Variants in ZSCAN25 observed in about 807,000 individuals in gnomAD.
The protein encoded by ZSCAN25 is zinc finger and SCAN domain containing 25.
In ZSCAN25, 27 loss-of-function variants were observed where a neutral mutation model predicts 38.7. The observed-to-expected ratio is 0.70, with a 90% CI of 0.51 to 0.96. The LOEUF (loss-of-function observed/expected upper bound fraction) is 0.96, where lower values mean the gene tolerates loss of function less well. Among genes scored for constraint, ZSCAN25 ranks in the 40% least tolerant of loss-of-function variants. The pLI is 0.00. For missense variants in ZSCAN25, 637 were observed against 705.9 expected (o/e 0.90, Z 1.11); for synonymous variants, 273 against 277.7 (o/e 0.98, Z 0.17).
In ZSCAN25 at chr7:99,619,055, C is replaced by T. The variant is rs1806703165; in HGVS notation, c.-124C>T. ...TACTTATTTTCTTTCTAGAACTTGT[C>T]TCCACTTGCAGTTTTTAAAAGAGTT... On this transcript the variant is annotated 5_prime_UTR_variant, in exon 3 of 8. Coordinates refer to ENST00000394152, the MANE Select transcript of ZSCAN25 (RefSeq NM_145115.3). 2 of 151,282 alleles carry T rather than the reference C, an allele frequency of 1.3e-5. No individual in the cohort carries two copies. Among genetic ancestry groups the T allele is most frequent in the Admixed American group, 1.3e-4 (2 of 15,152 alleles). The allele number at this position is 151,282 out of a possible 1,614,324, so 9.4% of individuals were successfully genotyped here.
At chr7:99,644,146 T>C in the ZSCAN25 span, among the ~76,000 whole-genome samples, 1 of 152,192 alleles carries the variant, frequency 6.6e-6, no homozygotes, top group African/African-American at 2.4e-5. Context: ...CATCATTAGC[T>C]ATAGCAGCAC....
the ZSCAN25 span, among the ~76,000 whole-genome samples, chr7:99,669,848 A>G: frequency 6.6e-6 from 1 of 152,238 alleles, no homozygotes; most frequent in African/African-American, 2.4e-5. Context: ...ATATAGCTAC[A>G]GATGCTGCCC....
the ZSCAN25 span, among the ~76,000 whole-genome samples, chr7:99,704,222 A>G: frequency 6.6e-6 from 1 of 152,158 alleles, no homozygotes; most frequent in Admixed American, 6.5e-5. Flanking sequence ...TGGGCTGAAA[A>G]CATTAAATGA....
chr7:99,638,665 T>C, the ZSCAN25 span: 9 of 1,562,588 alleles, frequency 5.8e-6, no homozygotes, highest in Admixed American at 1.7e-5. Context: ...CTGGCCCAGC[T>C]TCAACATTTA....
At chr7:99,667,254 G>C in the ZSCAN25 span, among the ~76,000 whole-genome samples, 1 of 151,976 alleles carries the variant, frequency 6.6e-6, no homozygotes, top group African/African-American at 2.4e-5. Context: ...ATGTGGGGCG[G>C]GGGTGGGAGT....
the ZSCAN25 span, chr7:99,672,915 A>G: frequency 6.0e-6 from 8 of 1,339,694 alleles, no homozygotes; most frequent in East Asian, 2.3e-4. Context: ...GGGAAGAGAT[A>G]TTGAAAGACA....
the ZSCAN25 span, among the ~76,000 whole-genome samples, chr7:99,700,332 G>A: frequency 1.3e-5 from 2 of 152,142 alleles, no homozygotes; most frequent in Admixed American, 1.3e-4. Flanking sequence ...CTGAAGTGGA[G>A]CCATTGGCAT....
the ZSCAN25 span, among the ~76,000 whole-genome samples, chr7:99,702,091 C>CT: frequency 0.93 from 130,588 of 140,224 alleles, 61,320 homozygotes; most frequent in Non-Finnish European, 0.99. Context: ...AGATTTCAGT[C>CT]TTTTTTTTTT....
At chr7:99,691,715 A>G in the ZSCAN25 span, among the ~76,000 whole-genome samples, 1 of 151,446 alleles carries the variant, frequency 6.6e-6, no homozygotes, top group Admixed American at 6.6e-5. Flanking sequence ...TAGGATTGCA[A>G]CCCCTGCTTT....
the ZSCAN25 span, among the ~76,000 whole-genome samples, chr7:99,664,357 C>T: frequency 6.6e-6 from 1 of 152,312 alleles, no homozygotes; most frequent in Admixed American, 6.5e-5. Context: ...ATTAAATTCC[C>T]TGACCTCTTA....
At chr7:99,655,067 A>G in the ZSCAN25 span, among the ~76,000 whole-genome samples, 1 of 152,118 alleles carries the variant, frequency 6.6e-6, no homozygotes, top group African/African-American at 2.4e-5. Flanking sequence ...TGCTGTGCAG[A>G]AGCTCTTTAG....
chr7:99,681,922 A>G, the ZSCAN25 span, among the ~76,000 whole-genome samples: 1 of 152,096 alleles, frequency 6.6e-6, no homozygotes, highest in African/African-American at 2.4e-5. Context: ...GTTTTCTTGT[A>G]GCAGTTTCAT....
At chr7:99,660,412 T>C in the ZSCAN25 span, 18 of 1,491,558 alleles carry the variant, frequency 1.2e-5, no homozygotes, top group Non-Finnish European at 1.5e-5. Flanking sequence ...ATTATGCTTT[T>C]TATAAAAATT....
chr7:99,646,795 TATACAC>T, the ZSCAN25 span, among the ~76,000 whole-genome samples: 2 of 128,932 alleles, frequency 1.6e-5, no homozygotes, highest in African/African-American at 7.2e-5. Context: ...ATATATGTTT[TATACAC>T]ACACACACAC....
the ZSCAN25 span, among the ~76,000 whole-genome samples, chr7:99,708,483 TCTCCTC>T: frequency 2.6e-5 from 4 of 151,852 alleles, no homozygotes; most frequent in Admixed American, 2.0e-4. Flanking sequence ...CTCTCCTCCT[TCTCCTC>T]CTTCTTCTAA....
At position 99,629,255 on chromosome 7, in the gene ZSCAN25, A is replaced by G. The variant is rs1289847553; in HGVS notation, c.870A>G (p.Ala290=). ...AAGACCTGAAAGGGGCGCTGGTGGC[A>G]CTGACATCAGAGAGGTTTGGGGAAG... is the stretch of plus-strand genomic sequence containing the variant. ...PQEDLKGALV[A]LTSERFGEAS... is the part of the protein sequence containing the mutation. Residue 290 remains alanine, a synonymous_variant, in exon 8 of 8, where the codon GCA becomes GCG. Transcript: ENST00000394152. The surrounding 1 kb of genome is among the most constrained non-coding windows in gnomAD (Gnocchi z 5.6). The G allele has an allele frequency of 6.2e-7, 1 of 1,614,060 alleles. No homozygotes were observed. The highest frequency in any genetic ancestry group is 8.5e-7 in the Non-Finnish European group (1 of 1,179,952).
chr7:99,695,656 C>T, the ZSCAN25 span: 1 of 1,100,750 alleles, frequency 9.1e-7, no homozygotes, highest in Non-Finnish European at 1.3e-6. Flanking sequence ...AACCTCAGAC[C>T]TTCCTCCTGA....
Position 99,629,660 on chromosome 7 carries a change from C to T in ZSCAN25, c.1275C>T (p.His425=). Residue 425 remains histidine, a synonymous_variant, in exon 8 of 8, where the codon CAC becomes CAT. Coordinates refer to ENST00000394152, the MANE Select transcript of ZSCAN25 (RefSeq NM_145115.3). The surrounding 1 kb of genome is among the most constrained non-coding windows in gnomAD (Gnocchi z 5.6). The stretch of plus-strand genomic sequence containing the variant: ...ACCTGGAGGTGCACCAGCGCAGCCA[C>T]ACTGGGGAGAAGCCCTACAAGTGCG... The part of the protein sequence containing the change: ...RHHLEVHQRS[H]TGEKPYKCGD... The T allele has an allele frequency of 6.2e-7, 1 of 1,614,116 alleles. No individual in the cohort carries two copies. Among genetic ancestry groups the T allele is most frequent in the Non-Finnish European group, 8.5e-7 (1 of 1,180,040 alleles).
chr7:99,624,217 A>G (rs1807258586), intron 7 of ZSCAN25, 37 bp downstream of exon 7: 4 of 1,611,944 alleles, frequency 2.5e-6, no homozygotes, highest in East Asian at 2.2e-5. Context: ...GGAACTGGGG[A>G]GTTCTGAAAG....
Sources: allele counts gnomAD v4.1 joint callset (sites outside exome capture counted in the v4.1 genomes callset), GRCh38; gene constraint gnomAD v4.1.1; non-coding constraint Gnocchi (gnomAD v3.1); transcripts MANE v1.5; gene names NCBI Gene and HGNC (gene_info 2026-07-23, HGNC 2026-07-21).